The following MSANTD5 variants were observed in gnomAD, a reference collection of about 807,000 sequenced individuals.
MSANTD5 encodes uncharacterized protein MSANTD5.
downstream of MSANTD5, among the ~76,000 whole-genome samples, chr5:178,694,020 T>A (rs1765383806): frequency 6.6e-6 from 1 of 151,932 alleles, no homozygotes; most frequent in Admixed American, 6.6e-5. Context: ...CTCAGAAACA[T>A]GAAATAAAAG....
intron 1 of MSANTD5, among the ~76,000 whole-genome samples, 183 bp downstream of exon 1, chr5:178,697,403 G>A (rs1025683822): frequency 2.0e-5 from 3 of 152,140 alleles, no homozygotes; most frequent in Admixed American, 6.5e-5. Flanking sequence ...GCAGTGAGCC[G>A]GGATCGCGCC....
At chr5:178,700,968 TCA>T (rs1342669889), upstream of MSANTD5, among the ~76,000 whole-genome samples, 2 of 152,108 alleles carry the variant, frequency 1.3e-5, no homozygotes, top group Admixed American at 1.3e-4. Flanking sequence ...ACATGGGTGT[TCA>T]GTTTTTTGTT....
upstream of MSANTD5, among the ~76,000 whole-genome samples, chr5:178,699,023 T>C (rs1462634732): frequency 6.6e-6 from 1 of 152,054 alleles, no homozygotes; most frequent in Non-Finnish European, 1.5e-5. Context: ...CTGATGCCCA[T>C]ATGGTCAGGA....
the MSANTD5 span, chr5:178,706,837 A>G: frequency 6.6e-6 from 1 of 152,108 alleles, no homozygotes. Context: ...TCCTGGAGCT[A>G]ATGGCAGTGG....
chr5:178,693,846 C>T (rs1159772192), downstream of MSANTD5, among the ~76,000 whole-genome samples: 2 of 151,938 alleles, frequency 1.3e-5, no homozygotes, highest in Non-Finnish European at 2.9e-5. Context: ...TCTCCAAGTC[C>T]CCACCCGACC....
At chr5:178,705,929 C>G in the MSANTD5 span, among the ~76,000 whole-genome samples, 20 of 152,126 alleles carry the variant, frequency 1.3e-4, no homozygotes, top group Non-Finnish European at 2.6e-4. Context: ...TGCACTCCAG[C>G]CTGAGTGACA....
upstream of MSANTD5, among the ~76,000 whole-genome samples, chr5:178,702,343 C>A (rs775179715): frequency 6.7e-6 from 1 of 149,334 alleles, no homozygotes; most frequent in Non-Finnish European, 1.5e-5. Flanking sequence ...CTCTGTCGCC[C>A]AGGCTGGAGT....
chr5:178,702,581 G>T (rs1229854312), upstream of MSANTD5, among the ~76,000 whole-genome samples: 1 of 149,160 alleles, frequency 6.7e-6, no homozygotes, highest in African/African-American at 2.5e-5. Flanking sequence ...ATACAGGTGT[G>T]AGCCACCGCA....
At chr5:178,699,664 G>A (rs1345491516), upstream of MSANTD5, among the ~76,000 whole-genome samples, 1 of 152,134 alleles carries the variant, frequency 6.6e-6, no homozygotes, top group Non-Finnish European at 1.5e-5. Flanking sequence ...ACCCACCTTG[G>A]CCTCCCAAAA....
At chr5:178,698,708 T>C (rs1765446130), upstream of MSANTD5, among the ~76,000 whole-genome samples, 1 of 149,466 alleles carries the variant, frequency 6.7e-6, no homozygotes, top group Non-Finnish European at 1.5e-5. Flanking sequence ...GCCTCGCAGG[T>C]AGCTAGGATT....
intron 1 of MSANTD5, among the ~76,000 whole-genome samples, chr5:178,696,939 G>A (rs1426333858): frequency 6.6e-6 from 1 of 152,108 alleles, no homozygotes; most frequent in Non-Finnish European, 1.5e-5. Flanking sequence ...AGTTCCTGGG[G>A]TCACTCTGGG....
At chr5:178,693,326 A>C (rs574515752), downstream of MSANTD5, among the ~76,000 whole-genome samples, 1 of 151,910 alleles carries the variant, frequency 6.6e-6, no homozygotes, top group Admixed American at 6.6e-5. Flanking sequence ...AAATATAATA[A>C]TGTGTCCGGA....
chr5:178,694,515 A>G (rs948010533), downstream of MSANTD5: 1 of 152,104 alleles, frequency 6.6e-6, no homozygotes, highest in African/African-American at 2.4e-5. Context: ...TCTTTCTACA[A>G]TTAAAGGTTC....
the MSANTD5 span, chr5:178,707,184 AAGAG>A: frequency 2.6e-5 from 4 of 152,302 alleles, no homozygotes; most frequent in Middle Eastern, 3.4e-3. Flanking sequence ...TAGAGAATGA[AAGAG>A]AGAATTGAAG....
chr5:178,696,180 A>G (rs1008870299), exon 2 of MSANTD5: 3 of 151,676 alleles, frequency 2.0e-5, no homozygotes, highest in Non-Finnish European at 4.4e-5. Flanking sequence ...AAGTATTACT[A>G]TCTAATAAAA....
At chr5:178,700,500 G>A (rs1665765151), upstream of MSANTD5, among the ~76,000 whole-genome samples, 1 of 148,968 alleles carries the variant, frequency 6.7e-6, no homozygotes, top group African/African-American at 2.5e-5. Context: ...GCTTTGCCAT[G>A]AACTACACTG....
chr5:178,705,818 G>A, the MSANTD5 span, among the ~76,000 whole-genome samples: 2,262 of 152,158 alleles, frequency 0.015, 31 homozygotes, highest in South Asian at 0.057. Flanking sequence ...TTAGCTGGGC[G>A]TGGTGGTGGG....
At chr5:178,697,281 C>G (rs956300889) in intron 1 of MSANTD5, among the ~76,000 whole-genome samples, 1 of 145,246 alleles carries the variant, frequency 6.9e-6, no homozygotes, top group African/African-American at 2.7e-5. Flanking sequence ...GGTGAAACCC[C>G]GTCTCTACTA....
At chr5:178,696,668 C>A (rs905656002) in intron 1 of MSANTD5, among the ~76,000 whole-genome samples, 1 of 152,072 alleles carries the variant, frequency 6.6e-6, no homozygotes, top group Non-Finnish European at 1.5e-5. Flanking sequence ...CAAACCCGCA[C>A]GGAATTTCCA....
Sources: allele counts gnomAD v4.1 joint callset (sites outside exome capture counted in the v4.1 genomes callset), GRCh38; gene constraint gnomAD v4.1.1; transcripts MANE v1.5; gene names NCBI Gene and HGNC (gene_info 2026-07-23, HGNC 2026-07-21).